ALDH7A1: variants seen among roughly 807,000 people sequenced by gnomAD.
The protein encoded by ALDH7A1 is aldehyde dehydrogenase 7 family member A1, also known as alpha-aminoadipic semialdehyde dehydrogenase.
In ALDH7A1, 63 loss-of-function variants were observed where a neutral mutation model predicts 79.9. That is an observed-to-expected ratio of 0.79 (90% CI 0.64 to 0.97). The LOEUF (loss-of-function observed/expected upper bound fraction) is 0.97. ALDH7A1 is among the 50% of genes least tolerant of loss of function. ALDH7A1 has a pLI of 0.00. For missense variants in ALDH7A1, 627 were observed against 665.2 expected (o/e 0.94, Z 0.63); for synonymous variants, 240 against 231.2 (o/e 1.04, Z -0.34).
chr5:126,576,203 CAG>C (rs1156490081), intron 6 of ALDH7A1, among the ~76,000 whole-genome samples: 6 of 143,828 alleles, frequency 4.2e-5, no homozygotes, highest in African/African-American at 1.5e-4. Context: ...GCGGAGCTTG[CAG>C]AGAGCCGAGA....
In ALDH7A1 at chr5:126,555,915, A is replaced by G; in HGVS notation, c.1093+16T>C. 1 of 1,599,108 alleles carries G rather than the reference A, an allele frequency of 6.3e-7. No homozygotes were observed. The highest frequency in any genetic ancestry group is 8.6e-7 in the Non-Finnish European group (1 of 1,166,638). On this transcript the variant is annotated intron_variant, in intron 12 of 17. Transcript: ENST00000409134. ...CTCAAAAAGGGATCGCTTTGAAAGC[A>G]GAAGGAGATACTCACGGTCCCATGG... is the stretch of plus-strand genomic sequence containing the variant.
chr5:126,554,710 C>G, intron 12 of ALDH7A1: 1 of 388,526 alleles, frequency 2.6e-6, no homozygotes, highest in Non-Finnish European at 4.9e-6. Flanking sequence ...TTGCCAATCT[C>G]TAGTTTAAAG....
intron 7 of ALDH7A1, chr5:126,571,281 C>T (rs944741152): frequency 4.8e-5 from 11 of 228,634 alleles, no homozygotes; most frequent in African/African-American, 2.1e-4. Flanking sequence ...AGTTCAACAC[C>T]AGCCTGGCCA....
rs746052220 is a variant in ALDH7A1 at position 126,568,291 on chromosome 5, T to C, written c.839A>G (p.Lys280Arg). The C allele has an allele frequency of 1.9e-6, 3 of 1,614,182 alleles. No individual in the cohort carries two copies. Among genetic ancestry groups the C allele is most frequent in the Admixed American group, 1.7e-5 (1 of 60,020 alleles). ...CTCCTGCACCATCAGGCCCACCTGT[T>C]TTCCCACCTGAGTGCTCCCAGTGAA... ...LSFTGSTQVG[K>R]QVGLMVQERF... is the part of the protein sequence containing the mutation. The change falls in exon 9 of 18, where the codon AAA (lysine) becomes AGA (arginine). Residue 280 changes from lysine (K) to arginine (R), a missense_variant. Lys to Arg is a conservative substitution (Grantham distance 26). Transcript: ENST00000409134.
chr5:126,579,413 G>A (rs1485444373), intron 5 of ALDH7A1, among the ~76,000 whole-genome samples: 4 of 152,034 alleles, frequency 2.6e-5, no homozygotes, highest in East Asian at 1.9e-4. Context: ...CCATCCTACC[G>A]TTTACTCCCT....
At position 126,589,691 on chromosome 5, in the gene ALDH7A1, C is replaced by G. The variant is rs182989252; in HGVS notation, c.312+2973G>C. On this transcript the variant is annotated intron_variant, in intron 3 of 17. Coordinates refer to ENST00000409134, the MANE Select transcript of ALDH7A1 (RefSeq NM_001182.5). ...GCGCCCTGCCCAGCCACCGCCCCAT[C>G]TGGGATGTGAGGAGCGCCACTGCCC... Among the ~76,000 whole-genome samples the G allele has an allele frequency of 2.7e-3, 402 of 151,170 alleles. 2 individuals carry two copies. Among genetic ancestry groups the G allele is most frequent in the Non-Finnish European group, 4.0e-3 (270 of 67,702 alleles).
At chr5:126,582,725 A>G (rs1414166275) in intron 5 of ALDH7A1, 126 bp downstream of exon 5, 4 of 1,037,474 alleles carry the variant, frequency 3.9e-6, no homozygotes, top group Admixed American at 4.3e-5. Flanking sequence ...AAGATTGAGG[A>G]TATTTTCACA....
chr5:126,575,815 G>T (rs1363423800), intron 6 of ALDH7A1, among the ~76,000 whole-genome samples: 1 of 152,190 alleles, frequency 6.6e-6, no homozygotes, highest in African/African-American at 2.4e-5. Context: ...AAAACTCAGA[G>T]AGCTGAGGAA....
intron 14 of ALDH7A1, among the ~76,000 whole-genome samples, chr5:126,551,392 G>A (rs1749992171): frequency 2.0e-5 from 3 of 151,262 alleles, no homozygotes; most frequent in Non-Finnish European, 4.4e-5. Context: ...TCGGCTCACT[G>A]CAACCTCAGC....
rs1234524063 is a variant in ALDH7A1, at chr5:126,546,295, A to C, written c.1565+29T>G. The C allele has an allele frequency of 5.6e-6, 9 of 1,610,588 alleles. No homozygotes were observed. In the Admixed American group the frequency reaches 1.0e-4, roughly 18 times the overall value. ...GCCCATTCCCAAGGGTTTTAAGCCCAAACCTATCTTCCCAAAGCCTTTTCT... is the reference window on the plus strand; with the variant it reads ...GCCCATTCCCAAGGGTTTTAAGCCCCAACCTATCTTCCCAAAGCCTTTTCT... On this transcript the variant is annotated intron_variant, in intron 17 of 17. Transcript: ENST00000409134.
chr5:126,594,370 G>C (rs868442743), intron 1 of ALDH7A1: 2 of 434,500 alleles, frequency 4.6e-6, no homozygotes, highest in Middle Eastern at 3.4e-4. Context: ...TCTAAATTAA[G>C]ATCAGTTGCA....
intron 13 of ALDH7A1, 83 bp from the exon 14 acceptor site, chr5:126,552,220 A>G (rs1750025999): frequency 2.0e-6 from 2 of 981,440 alleles, no homozygotes; most frequent in African/African-American, 1.6e-5. Context: ...CTTTGCCTAC[A>G]TTTATAAAGA....
At chr5:126,580,440 A>G (rs921565527) in intron 5 of ALDH7A1, among the ~76,000 whole-genome samples, 9 of 152,168 alleles carry the variant, frequency 5.9e-5, no homozygotes, top group African/African-American at 1.9e-4. Context: ...AAAGTGTTCA[A>G]TGACATAAAA....
intron 7 of ALDH7A1, chr5:126,571,133 C>T: frequency 2.8e-5 from 7 of 250,758 alleles, no homozygotes; most frequent in South Asian, 9.0e-5. Flanking sequence ...ATGCCGTTTT[C>T]AAAAAACTAT....
In ALDH7A1 at chr5:126,542,367, G is replaced by A. The variant is rs1259276039; in HGVS notation, c.*2598C>T. ...CATTTTCAGGAGACAGAATGCCACA[G>A]AGAATTTTCCACAGAGCTGGGCATG... On this transcript the variant is annotated 3_prime_UTR_variant, in exon 18 of 18. Coordinates refer to ENST00000409134, the MANE Select transcript of ALDH7A1 (RefSeq NM_001182.5). 6.6e-6 allele frequency: 1 copy of A among 152,342 alleles called. No individual in the cohort carries two copies. The highest frequency in any genetic ancestry group is 6.5e-5 in the Admixed American group (1 of 15,278). The allele number at this position is 152,342 out of a possible 1,614,324, so 9.4% of individuals were successfully genotyped here.
At chr5:126,552,716 T>TG (rs1456218421) in intron 13 of ALDH7A1, among the ~76,000 whole-genome samples, 1 of 151,682 alleles carries the variant, frequency 6.6e-6, no homozygotes, top group Admixed American at 6.6e-5. Context: ...TCTTTATATG[T>TG]GGGGGGTTTT....
intron 16 of ALDH7A1, among the ~76,000 whole-genome samples, chr5:126,546,825 A>C (rs1749802501): frequency 6.6e-6 from 1 of 152,166 alleles, no homozygotes; most frequent in Admixed American, 6.5e-5. Context: ...ATCAGGGAAA[A>C]CACAAATATT....
chr5:126,571,407 G>C (rs1176467520), intron 7 of ALDH7A1, among the ~76,000 whole-genome samples: 1 of 149,804 alleles, frequency 6.7e-6, no homozygotes, highest in African/African-American at 2.5e-5. Context: ...GAACCTGGAA[G>C]ACAGAGGTTG....
chr5:126,575,347 A>C (rs938255238), intron 7 of ALDH7A1, 73 bp downstream of exon 7: 1 of 1,439,064 alleles, frequency 6.9e-7, no homozygotes, highest in Non-Finnish European at 9.6e-7. Flanking sequence ...CATCAGATTA[A>C]AAAGTCAGGG....
Sources: gnomAD v4.1 joint callset for allele counts (sites outside exome capture counted in the v4.1 genomes callset) on GRCh38, gnomAD v4.1.1 for gene constraint, MANE v1.5 for transcripts, NCBI Gene and HGNC (gene_info 2026-07-23, HGNC 2026-07-21) for gene names.